JPH3: variants seen among roughly 807,000 people sequenced by gnomAD.
JPH3 encodes junctophilin-3.
Under a neutral mutation model 59.6 loss-of-function variants are expected in JPH3, and 11 were observed. That is an observed-to-expected ratio of 0.18 (90% CI 0.12 to 0.31). JPH3 has a LOEUF of 0.31. Among genes scored for constraint, JPH3 ranks in the 10% least tolerant of loss-of-function variants. The probability of loss-of-function intolerance (pLI) is 1.00; values close to 1 mark genes in which losing one functional copy is unlikely to be tolerated. For missense variants in JPH3, 1,202 were observed against 1,105.7 expected (o/e 1.09, Z -1.24); for synonymous variants, 673 against 483.6 (o/e 1.39, Z -5.14).
At chr16:87,631,135 C>A (rs1432267679) in intron 1 of JPH3, among the ~76,000 whole-genome samples, 1 of 152,162 alleles carries the variant, frequency 6.6e-6, no homozygotes, top group Admixed American at 6.5e-5. Flanking sequence ...CAGTAATACA[C>A]ACAAATGTAC....
intron 2 of JPH3, among the ~76,000 whole-genome samples, chr16:87,677,208 AC>A (rs2033168101): frequency 8.3e-6 from 1 of 120,736 alleles, no homozygotes; most frequent in Non-Finnish European, 1.7e-5. Flanking sequence ...ACACACACAC[AC>A]ACACACACAC....
chr16:87,631,893 C>T (rs2031577007), intron 1 of JPH3, among the ~76,000 whole-genome samples: 1 of 152,062 alleles, frequency 6.6e-6, no homozygotes, highest in South Asian at 2.1e-4. Context: ...TTTTTAATTG[C>T]ATTTTATTCT....
chr16:87,653,071 G>A (rs568068757), intron 2 of JPH3, among the ~76,000 whole-genome samples: 3 of 152,122 alleles, frequency 2.0e-5, no homozygotes, highest in Non-Finnish European at 4.4e-5. Flanking sequence ...AGTGCCTGCG[G>A]GGGGGACTAG....
At chr16:87,653,345 T>G (rs1237830286) in intron 2 of JPH3, among the ~76,000 whole-genome samples, 1 of 152,164 alleles carries the variant, frequency 6.6e-6, no homozygotes, top group Non-Finnish European at 1.5e-5. Flanking sequence ...CGCTCTGCTC[T>G]CTGCTGTGGC....
At chr16:87,612,158 G>A (rs182179397) in intron 1 of JPH3, among the ~76,000 whole-genome samples, 127 of 152,242 alleles carry the variant, frequency 8.3e-4, no homozygotes, top group African/African-American at 2.8e-3. Flanking sequence ...GGCTGGCTCC[G>A]TCTGTCGTCC....
chr16:87,621,841 C>A (rs924406166), intron 1 of JPH3, among the ~76,000 whole-genome samples: 2 of 152,162 alleles, frequency 1.3e-5, no homozygotes, highest in Non-Finnish European at 2.9e-5. Flanking sequence ...GGGCGATTCT[C>A]CTGTGGGTGC....
At chr16:87,661,452 A>C (rs376380190) in intron 2 of JPH3, among the ~76,000 whole-genome samples, 6 of 152,136 alleles carry the variant, frequency 3.9e-5, no homozygotes, top group African/African-American at 1.4e-4. Flanking sequence ...ATAGCAGTGG[A>C]CTCTCTTTAG....
intron 1 of JPH3, among the ~76,000 whole-genome samples, chr16:87,614,579 G>A (rs1236590282): frequency 6.6e-6 from 1 of 151,416 alleles, no homozygotes; most frequent in Admixed American, 6.6e-5. Context: ...CTGTACACGT[G>A]TGGAGCTGTC....
rs76837213 is a variant in JPH3 at position 87,611,030 on chromosome 16, A to G, written c.382+7502A>G. ...ACAAAGACAGAAAAGCTCAGGTCCA[A>G]CCTCAGTGAATCAGCCTTAAGTATT... On this transcript the variant is annotated intron_variant, in intron 1 of 4. Coordinates refer to ENST00000284262, the MANE Select transcript of JPH3 (RefSeq NM_020655.4). This position sits in a 1 kb window ranked among gnomAD's most constrained non-coding sequence, Gnocchi z 4.5. 0.033 allele frequency among the ~76,000 whole-genome samples: 5,051 copies of G among 152,336 alleles called. 106 individuals are homozygous for G. The highest frequency in any genetic ancestry group is 0.043 in the South Asian group (208 of 4,828).
At position 87,644,389 on chromosome 16, in the gene JPH3, A is replaced by C. The variant is rs776638359; in HGVS notation, c.514A>C (p.Thr172Pro). Reference protein sequence around the residue: ...TSINSLRSEHTNGTALHPDAS... With the variant: ...TSINSLRSEHPNGTALHPDAS... Reference sequence around the variant, plus strand: ...CATCAACTCCCTGCGCAGCGAGCACACCAACGGCACGGCGCTGCATCCCGA... The same window carrying C: ...CATCAACTCCCTGCGCAGCGAGCACCCCAACGGCACGGCGCTGCATCCCGA... Residue 172 changes from threonine to proline, a missense_variant, in exon 2 of 5, where the codon ACC becomes CCC. Coordinates refer to ENST00000284262, the MANE Select transcript of JPH3 (RefSeq NM_020655.4). 1.2e-6 allele frequency: 2 copies of C among 1,612,742 alleles called. No homozygotes were observed. Among genetic ancestry groups the C allele is most frequent in the East Asian group, 4.5e-5 (2 of 44,858 alleles).
At chr16:87,635,315 C>T (rs774592724) in intron 1 of JPH3, among the ~76,000 whole-genome samples, 14 of 152,246 alleles carry the variant, frequency 9.2e-5, no homozygotes, top group East Asian at 3.9e-4. Context: ...GCTGGGACCC[C>T]GGGCTCCGAA....
intron 2 of JPH3, among the ~76,000 whole-genome samples, chr16:87,683,681 A>T (rs1299008134): frequency 6.6e-6 from 1 of 151,160 alleles, no homozygotes; most frequent in Non-Finnish European, 1.5e-5. Flanking sequence ...ATCTCAGCTC[A>T]CTGCAACCTC....
chr16:87,628,913 C>G (rs763837760), intron 1 of JPH3, among the ~76,000 whole-genome samples: 31 of 152,120 alleles, frequency 2.0e-4, no homozygotes, highest in Non-Finnish European at 4.4e-5. Flanking sequence ...CAGGTAGGGT[C>G]TACAGATGAG....
intron 2 of JPH3, among the ~76,000 whole-genome samples, chr16:87,661,497 G>A (rs961190197): frequency 6.6e-6 from 1 of 152,254 alleles, no homozygotes; most frequent in Non-Finnish European, 1.5e-5. Flanking sequence ...GCATGGGCTG[G>A]ACTTTGGGGG....
chr16:87,660,307 G>A (rs2032660073), intron 2 of JPH3, among the ~76,000 whole-genome samples: 1 of 152,168 alleles, frequency 6.6e-6, no homozygotes, highest in Non-Finnish European at 1.5e-5. Context: ...AACTGTCTCA[G>A]GTGGACAGAG....
intron 1 of JPH3, among the ~76,000 whole-genome samples, chr16:87,638,994 A>G (rs1324776718): frequency 6.6e-6 from 1 of 151,898 alleles, no homozygotes; most frequent in Non-Finnish European, 1.5e-5. Context: ...CTGGATCCAG[A>G]CTCTGCCTCA....
In JPH3 at chr16:87,689,760, C is replaced by T. The variant is rs773823724; in HGVS notation, c.1400C>T (p.Pro467Leu). 3 of 1,611,900 alleles carry T rather than the reference C, an allele frequency of 1.9e-6. No homozygotes were observed. The highest frequency in any genetic ancestry group is 4.5e-5 in the East Asian group (2 of 44,828). Residue 467 changes from proline (P) to leucine (L), a missense_variant, in exon 4 of 5, where the codon CCC (proline) becomes CTC (leucine). Transcript: ENST00000284262. Reference protein sequence around the residue: ...SPELYRKGTTPSDLTPDDSPL... With the variant: ...SPELYRKGTTLSDLTPDDSPL... Reference sequence around the variant, plus strand: ...GAGCTGTACCGCAAGGGCACCACTCCCTCCGACCTGACCCCCGACGACAGC... The same window carrying T: ...GAGCTGTACCGCAAGGGCACCACTCTCTCCGACCTGACCCCCGACGACAGC...
chr16:87,664,461 C>G (rs62053819), intron 2 of JPH3, among the ~76,000 whole-genome samples: 9,108 of 148,794 alleles, frequency 0.061, 380 homozygotes, highest in Non-Finnish European at 0.091. Flanking sequence ...CCTGTCTCTA[C>G]TAAAGATACA....
intron 2 of JPH3, among the ~76,000 whole-genome samples, chr16:87,677,314 C>T (rs2033177314): frequency 6.6e-6 from 1 of 151,540 alleles, no homozygotes; most frequent in Non-Finnish European, 1.5e-5. Flanking sequence ...ACCTGGGAGG[C>T]AGAGTTTGCA....
Sources: allele counts gnomAD v4.1 joint callset (sites outside exome capture counted in the v4.1 genomes callset), GRCh38; gene constraint gnomAD v4.1.1; non-coding constraint Gnocchi (gnomAD v3.1); transcripts MANE v1.5; gene names NCBI Gene and HGNC (gene_info 2026-07-23, HGNC 2026-07-21).